The following MYRIP variants were observed in gnomAD, a reference collection of about 807,000 sequenced individuals.
The protein encoded by MYRIP is myosin VIIA and Rab interacting protein.
Under a neutral mutation model 98.0 loss-of-function variants are expected in MYRIP, and 49 were observed. That is an observed-to-expected ratio of 0.50 (90% CI 0.40 to 0.63). The LOEUF is 0.63. Among genes scored for constraint, MYRIP ranks in the 30% least tolerant of loss-of-function variants. The pLI is 0.00. For synonymous variants in MYRIP, 404 were observed against 409.5 expected (o/e 0.99, Z 0.16); for missense variants, 1,004 against 1,058.2 (o/e 0.95, Z 0.71).
chr3:40,084,128 C>T (rs1447512603), intron 3 of MYRIP, among the ~76,000 whole-genome samples: 2 of 74,762 alleles, frequency 2.7e-5, no homozygotes, highest in African/African-American at 1.2e-4. Flanking sequence ...CAGATCGAGA[C>T]TCCATCTCAA....
intron 4 of MYRIP, among the ~76,000 whole-genome samples, chr3:40,162,299 C>T (rs1202042305): frequency 6.6e-6 from 1 of 152,022 alleles, no homozygotes; most frequent in Non-Finnish European, 1.5e-5. Context: ...ATCAGTGTAC[C>T]CCTAATACCT....
intron 2 of MYRIP, among the ~76,000 whole-genome samples, chr3:39,941,707 T>C (rs1267835103): frequency 6.6e-6 from 1 of 152,076 alleles, no homozygotes; most frequent in Non-Finnish European, 1.5e-5. Context: ...TTATACCATA[T>C]CATATAAATA....
intron 3 of MYRIP, among the ~76,000 whole-genome samples, chr3:40,081,610 C>T (rs553174406): frequency 9.9e-5 from 15 of 152,274 alleles, no homozygotes; most frequent in Admixed American, 3.9e-4. Flanking sequence ...GATGTTATGA[C>T]ATATGTATAC....
At position 39,836,575 on chromosome 3, in the gene MYRIP, G is replaced by A. The variant is rs558980026; in HGVS notation, c.-31+26659G>A. The stretch of plus-strand genomic sequence containing the variant: ...CTCCTTTTGCGAGGGCATTAGCTGC[G>A]GGGAGTCTGTCCCTTGCAGACCCCT... On this transcript the variant is annotated intron_variant, in intron 1 of 16. Transcript: ENST00000302541. Among the ~76,000 whole-genome samples the A allele has an allele frequency of 2.9e-4, 44 of 152,114 alleles. 1 individual carries two copies. The South Asian group carries it at 6.6e-3, about 23-fold the overall frequency.
chr3:39,814,223 T>C (rs151262219), intron 1 of MYRIP, among the ~76,000 whole-genome samples: 1 of 152,340 alleles, frequency 6.6e-6, no homozygotes, highest in African/African-American at 2.4e-5. Flanking sequence ...GCCCTCCTAC[T>C]GCATTGTGTT....
At chr3:39,881,273 C>T (rs542457130) in intron 1 of MYRIP, among the ~76,000 whole-genome samples, 29 of 152,132 alleles carry the variant, frequency 1.9e-4, no homozygotes, top group Non-Finnish European at 3.4e-4. Context: ...TGGAGTTTTC[C>T]TCAAATATCT....
At chr3:39,928,222 G>A (rs1394632879) in intron 2 of MYRIP, among the ~76,000 whole-genome samples, 2 of 151,850 alleles carry the variant, frequency 1.3e-5, no homozygotes, top group East Asian at 3.9e-4. Flanking sequence ...AGATCCAGTG[G>A]CTTCACTGGA....
At chr3:39,815,045 G>C (rs1039372256) in intron 1 of MYRIP, among the ~76,000 whole-genome samples, 1 of 152,134 alleles carries the variant, frequency 6.6e-6, no homozygotes, top group African/African-American at 2.4e-5. Flanking sequence ...CTCATTGAAA[G>C]TTTACAATTT....
chr3:39,830,846 A>G (rs1198273391), intron 1 of MYRIP, among the ~76,000 whole-genome samples: 1 of 152,170 alleles, frequency 6.6e-6, no homozygotes, highest in African/African-American at 2.4e-5. Flanking sequence ...AAAAACTGCT[A>G]AAAAAGAGTT....
chr3:39,921,855 CT>C lies in MYRIP; in HGVS notation c.110+20930del, dbSNP rs1403926516. ...CAAGATTGTGCCACTGCACTCCAGC[CT>C]GGGCTACAGAGCAAGACTCCGTCTC... is the stretch of plus-strand genomic sequence containing the variant. On this transcript the variant is annotated intron_variant, in intron 2 of 16. Coordinates refer to ENST00000302541, the MANE Select transcript of MYRIP (RefSeq NM_015460.4). 3.8e-5 allele frequency among the ~76,000 whole-genome samples: 5 copies of C among 132,304 alleles called. No individual in the cohort carries two copies. In the East Asian group the frequency reaches 1.1e-3, roughly 30 times the overall value. The allele number at this position is 132,304 out of a possible 152,430, so 86.8% of individuals were successfully genotyped here.
At chr3:40,130,529 C>T (rs1242905010) in intron 3 of MYRIP, among the ~76,000 whole-genome samples, 1 of 151,888 alleles carries the variant, frequency 6.6e-6, no homozygotes, top group Non-Finnish European at 1.5e-5. Context: ...AGGCGCCCAC[C>T]ATCACGCCCG....
chr3:39,876,927 T>C (rs929785802), intron 1 of MYRIP, among the ~76,000 whole-genome samples: 9 of 152,248 alleles, frequency 5.9e-5, no homozygotes, highest in African/African-American at 1.4e-4. Flanking sequence ...GATAATATCC[T>C]GCAGAGTGTT....
intron 12 of MYRIP, chr3:40,238,506 G>A (rs1229880710): frequency 6.6e-6 from 1 of 152,208 alleles, no homozygotes; most frequent in African/African-American, 2.4e-5. Flanking sequence ...TAGAAACGGT[G>A]ACACTATTCT....
At chr3:40,163,906 C>T (rs1359208789) in intron 5 of MYRIP, among the ~76,000 whole-genome samples, 1 of 152,070 alleles carries the variant, frequency 6.6e-6, no homozygotes, top group Non-Finnish European at 1.5e-5. Flanking sequence ...CTGTATTATC[C>T]TTACTACCTG....
intron 2 of MYRIP, among the ~76,000 whole-genome samples, chr3:39,945,309 CAAAAAAAAAA>C (rs57600928): frequency 2.3e-5 from 1 of 42,948 alleles, no homozygotes; most frequent in Admixed American, 3.8e-4. Flanking sequence ...ATCTCTACTA[CAAAAAAAAAA>C]AAAAAAAAAA....
intron 3 of MYRIP, among the ~76,000 whole-genome samples, chr3:40,103,927 A>C (rs572761034): frequency 2.8e-4 from 42 of 152,378 alleles, no homozygotes; most frequent in African/African-American, 9.1e-4. Flanking sequence ...GAATGTTGAC[A>C]GTATGCCATC....
At chr3:40,167,563 C>A (rs1373400116) in intron 7 of MYRIP, among the ~76,000 whole-genome samples, 1 of 152,180 alleles carries the variant, frequency 6.6e-6, no homozygotes, top group Non-Finnish European at 1.5e-5. Flanking sequence ...AATTCTCCAA[C>A]ACCAACTGAG....
At chr3:40,100,761 G>T (rs1948928907) in intron 3 of MYRIP, among the ~76,000 whole-genome samples, 1 of 152,282 alleles carries the variant, frequency 6.6e-6, no homozygotes, top group South Asian at 2.1e-4. Context: ...CAACTGATGA[G>T]ACCTGAATGT....
At chr3:40,100,264 T>G in intron 3 of MYRIP, 1 of 985,348 alleles carries the variant, frequency 1.0e-6, no homozygotes, top group East Asian at 1.1e-4. Flanking sequence ...ATTTTAATAA[T>G]TAAGCAACAT....
Sources: allele counts gnomAD v4.1 joint callset (sites outside exome capture counted in the v4.1 genomes callset), GRCh38; gene constraint gnomAD v4.1.1; transcripts MANE v1.5; gene names NCBI Gene and HGNC (gene_info 2026-07-23, HGNC 2026-07-21).